The following GALNT15 variants were observed in gnomAD, a reference collection of about 807,000 sequenced individuals.
GALNT15 encodes polypeptide N-acetylgalactosaminyltransferase 15.
In GALNT15, 67 loss-of-function variants were observed where a neutral mutation model predicts 66.8. The observed-to-expected ratio is 1.00, with a 90% CI of 0.82 to 1.23. GALNT15 has a LOEUF of 1.23. Among genes scored for constraint, GALNT15 ranks in the 50% most tolerant of loss-of-function variants. The pLI is 0.00. For missense variants in GALNT15, 827 were observed against 804.3 expected, an observed-to-expected ratio of 1.03 and a Z score of -0.34; for synonymous variants, 313 against 311.5, an observed-to-expected ratio of 1.00 and a Z score of -0.05.
chr3:16,233,111 T>TTTTTTTTTTTTTTTTTTTTTTTTTC (rs1219622222), downstream of GALNT15, among the ~76,000 whole-genome samples: 2 of 136,754 alleles, frequency 1.5e-5, no homozygotes, highest in Non-Finnish European at 3.1e-5. Context: ...TTTTTTTTTT[T>TTTTTTTTTTTTTTTTTTTTTTTTTC]TTGAAACGGA....
At position 16,203,104 on chromosome 3, in the gene GALNT15, T is replaced by A. The variant is rs1210559183; in HGVS notation, c.911+2281T>A. Among the ~76,000 whole-genome samples the A allele has an allele frequency of 6.6e-6, 1 of 152,170 alleles. No individual in the cohort carries two copies. Among genetic ancestry groups the A allele is most frequent in the African/African-American group, 2.4e-5 (1 of 41,424 alleles). On this transcript the variant is annotated intron_variant, in intron 3 of 9. Transcript: ENST00000339732. The surrounding 1 kb of genome is among the most constrained non-coding windows in gnomAD (Gnocchi z 6.2). ...GAAATTGAGGCTCAGAGAGGTGACA[T>A]GATATGTAAGGGCAGATAATTCGTA...
At chr3:16,240,774 T>G in the GALNT15 span, among the ~76,000 whole-genome samples, 1 of 151,752 alleles carries the variant, frequency 6.6e-6, no homozygotes, top group Non-Finnish European at 1.5e-5. Context: ...CCTAAAGCAC[T>G]CTCCTTCCAT....
chr3:16,210,926 C>T (rs1393433657), intron 4 of GALNT15, among the ~76,000 whole-genome samples, 198 bp from the exon 5 acceptor site: 1 of 152,258 alleles, frequency 6.6e-6, no homozygotes, highest in African/African-American at 2.4e-5. Context: ...GCAAGAATAG[C>T]TCTCTTTCCA....
rs2063500709 is a variant in GALNT15 at position 16,184,638 on chromosome 3, C to A, written c.539+8948C>A. Among the ~76,000 whole-genome samples the A allele has an allele frequency of 6.6e-6, 1 of 152,172 alleles. No individual in the cohort carries two copies. Among genetic ancestry groups the A allele is most frequent in the Non-Finnish European group, 1.5e-5 (1 of 68,028 alleles). ...GACATAAACTCCATGCTATTAGGGGCTATCTTAGTTTAGGTTTCCCCTAAA... is the reference window on the plus strand; with the variant it reads ...GACATAAACTCCATGCTATTAGGGGATATCTTAGTTTAGGTTTCCCCTAAA... On this transcript the variant is annotated intron_variant, in intron 1 of 9. Transcript: ENST00000339732. The surrounding 1 kb of genome is among the most constrained non-coding windows in gnomAD (Gnocchi z 5.0).
At position 16,211,119 on chromosome 3, in the gene GALNT15, T is replaced by C; in HGVS notation, c.1080-5T>C. The C allele has an allele frequency of 6.2e-7, 1 of 1,607,616 alleles. No individual in the cohort carries two copies. The highest frequency in any genetic ancestry group is 8.5e-7 in the Non-Finnish European group (1 of 1,174,312). ...TGCAGTGTCCTGCCTGTCTTCTGTG[T>C]CCAGGAGCCCTGTGGTGCCCGGAGA... On this transcript the variant is annotated splice_region_variant and splice_polypyrimidine_tract_variant and intron_variant, in intron 4 of 9. Coordinates refer to ENST00000339732, the MANE Select transcript of GALNT15 (RefSeq NM_054110.5). This position sits in a 1 kb window ranked among gnomAD's most constrained non-coding sequence, Gnocchi z 4.3.
chr3:16,217,032 C>T (rs1025256194), intron 6 of GALNT15, among the ~76,000 whole-genome samples: 5 of 152,070 alleles, frequency 3.3e-5, no homozygotes, highest in African/African-American at 9.7e-5. Flanking sequence ...TTGGGGGGGT[C>T]GGGGAAAATC....
At chr3:16,218,116 G>A (rs1004850798) in intron 6 of GALNT15, among the ~76,000 whole-genome samples, 11 of 152,226 alleles carry the variant, frequency 7.2e-5, no homozygotes, top group South Asian at 2.1e-4. Context: ...TAGCTCCGTG[G>A]CATTTCTCAG....
Position 16,189,123 on chromosome 3 carries a change from G to A in GALNT15, c.540-6637G>A, listed in dbSNP as rs1240236423. On this transcript the variant is annotated intron_variant, in intron 1 of 9. Coordinates refer to ENST00000339732, the MANE Select transcript of GALNT15 (RefSeq NM_054110.5). This position sits in a 1 kb window ranked among gnomAD's most constrained non-coding sequence, Gnocchi z 5.1. ...GGAAGCCACCAAAGCCACTGGATGA[G>A]CAAGAAGATTGGAGAGCTTTGCTCC... Among the ~76,000 whole-genome samples, 1 of 152,198 alleles carries A rather than the reference G, an allele frequency of 6.6e-6. No individual in the cohort carries two copies. Among genetic ancestry groups the A allele is most frequent in the East Asian group, 1.9e-4 (1 of 5,204 alleles).
In GALNT15 at chr3:16,208,447, C is replaced by T. The variant is rs186846633; in HGVS notation, c.912-56C>T. On this transcript the variant is annotated intron_variant, in intron 3 of 9. Coordinates refer to ENST00000339732, the MANE Select transcript of GALNT15 (RefSeq NM_054110.5). ...GGGCAGCCCATGTACAGACTGTTTC[C>T]AGCCCCAGCAAGTAAATGCTTTACG... The T allele has an allele frequency of 4.8e-4, 758 of 1,583,606 alleles. 5 individuals carry two copies. In the African/African-American group the frequency reaches 9.0e-3, roughly 19 times the overall value.
chr3:16,241,552 C>CA, the GALNT15 span, among the ~76,000 whole-genome samples: 4 of 151,650 alleles, frequency 2.6e-5, no homozygotes, highest in South Asian at 8.4e-4. The surrounding 1 kb of genome is among the most constrained non-coding windows in gnomAD (Gnocchi z 4.6). Context: ...ACTTTTTTTT[C>CA]TTTTTTTTCT....
chr3:16,207,402 T>G (rs2063767724), intron 3 of GALNT15, among the ~76,000 whole-genome samples: 1 of 150,260 alleles, frequency 6.7e-6, no homozygotes, highest in South Asian at 2.1e-4. Flanking sequence ...GCTAGGTGGA[T>G]AGCAGCTCCT....
rs1386112596 is a variant in GALNT15 at position 16,229,588 on chromosome 3, A to G, written c.*2088A>G. 1.1e-5 allele frequency: 11 copies of G among 985,412 alleles called. No individual in the cohort carries two copies. The highest frequency in any genetic ancestry group is 1.3e-5 in the Non-Finnish European group (11 of 829,910). The allele number at this position is 985,412 out of a possible 1,614,324, so 61.0% of individuals were successfully genotyped here. A position where few individuals can be genotyped will look rare whatever the true frequency, so the allele number is the denominator to read the frequency against. ...ATCCTGAGACTGAGACGGAGCTACA[A>G]ATTCTCAGATGGCGACCGTGTAAAT... On this transcript the variant is annotated 3_prime_UTR_variant, in exon 10 of 10. Transcript: ENST00000339732.
At chr3:16,177,818 T>A (rs967770718) in intron 1 of GALNT15, among the ~76,000 whole-genome samples, 2 of 152,242 alleles carry the variant, frequency 1.3e-5, no homozygotes, top group African/African-American at 4.8e-5. Flanking sequence ...GTGCTATAAA[T>A]GCATTGTGTG....
chr3:16,208,710 C>T lies in GALNT15; in HGVS notation c.1079+40C>T, dbSNP rs2063783431. The T allele has an allele frequency of 6.9e-6, 11 of 1,593,062 alleles. No individual in the cohort carries two copies. In the South Asian group the frequency reaches 1.1e-4, roughly 16 times the overall value. ...CACACCTGCTTTGCCATTGCCTCCTCAGGATGGACTCTGCAGCCTGCCTGC... is the reference window on the plus strand; with the variant it reads ...CACACCTGCTTTGCCATTGCCTCCTTAGGATGGACTCTGCAGCCTGCCTGC... On this transcript the variant is annotated intron_variant, in intron 4 of 9. Coordinates refer to ENST00000339732, the MANE Select transcript of GALNT15 (RefSeq NM_054110.5).
chr3:16,206,470 C>T (rs1450691109), intron 3 of GALNT15, among the ~76,000 whole-genome samples: 3 of 151,470 alleles, frequency 2.0e-5, no homozygotes, highest in East Asian at 1.9e-4. Context: ...GTCAGGAGAT[C>T]GAGACCATCC....
chr3:16,181,518 A>C lies in GALNT15; in HGVS notation c.539+5828A>C, dbSNP rs939821218. On this transcript the variant is annotated intron_variant, in intron 1 of 9. Coordinates refer to ENST00000339732, the MANE Select transcript of GALNT15 (RefSeq NM_054110.5). The surrounding 1 kb of genome is among the most constrained non-coding windows in gnomAD (Gnocchi z 5.9). ...CTTGGCTGCAGCTTTGTTGTCAAGT[A>C]GAAGATGGTGTTGCAATCCACGCGG... is the stretch of plus-strand genomic sequence containing the variant. Among the ~76,000 whole-genome samples the C allele has an allele frequency of 2.0e-5, 3 of 152,056 alleles. No individual in the cohort carries two copies. Among genetic ancestry groups the C allele is most frequent in the Non-Finnish European group, 4.4e-5 (3 of 68,008 alleles).
intron 3 of GALNT15, among the ~76,000 whole-genome samples, chr3:16,206,068 C>T (rs572702184): frequency 6.6e-6 from 1 of 152,286 alleles, no homozygotes; most frequent in South Asian, 2.1e-4. Flanking sequence ...AAGCAACGTA[C>T]TCCTTTGTTA....
At chr3:16,190,543 C>T (rs1457581277) in intron 1 of GALNT15, among the ~76,000 whole-genome samples, 3 of 150,288 alleles carry the variant, frequency 2.0e-5, no homozygotes, top group Non-Finnish European at 4.4e-5. Flanking sequence ...GAGGCTGAGG[C>T]AGGAGAATGG....
intron 1 of GALNT15, among the ~76,000 whole-genome samples, chr3:16,178,543 C>G (rs1005617497): frequency 2.0e-5 from 3 of 152,182 alleles, no homozygotes; most frequent in Non-Finnish European, 4.4e-5. Flanking sequence ...GTGCGTGCGG[C>G]CTGCGCAGCC....
Sources: gnomAD v4.1 joint callset for allele counts (sites outside exome capture counted in the v4.1 genomes callset) on GRCh38, gnomAD v4.1.1 for gene constraint, Gnocchi (gnomAD v3.1) non-coding constraint, MANE v1.5 for transcripts, NCBI Gene and HGNC (gene_info 2026-07-23, HGNC 2026-07-21) for gene names.